The following FAM13A variants were observed in gnomAD, a reference collection of about 807,000 sequenced individuals.
FAM13A encodes protein FAM13A.
A neutral mutation model predicts 129.6 loss-of-function variants in FAM13A; 76 were observed. That is an observed-to-expected ratio of 0.59 (90% CI 0.49 to 0.71). FAM13A has a LOEUF of 0.71. Ranked by LOEUF, FAM13A falls within the 30% of genes least tolerant of loss-of-function variation. FAM13A has a pLI of 0.00. For synonymous variants in FAM13A, 443 were observed against 449.9 expected (o/e 0.98, Z 0.20); for missense variants, 1,108 against 1,249.3 (o/e 0.89, Z 1.70).
intron 13 of FAM13A, among the ~76,000 whole-genome samples, chr4:88,760,889 C>T (rs1225813337): frequency 1.2e-4 from 18 of 152,006 alleles, no homozygotes; most frequent in Non-Finnish European, 1.9e-4. Context: ...TAAGAATATG[C>T]ATACAGCAAA....
At chr4:88,811,226 G>T (rs1430049727) in intron 7 of FAM13A, among the ~76,000 whole-genome samples, 1 of 152,172 alleles carries the variant, frequency 6.6e-6, no homozygotes, top group Admixed American at 6.6e-5. Context: ...TGACGTAGTT[G>T]TGGAAGGCCA....
intron 6 of FAM13A, among the ~76,000 whole-genome samples, chr4:88,890,654 ACAAT>A (rs1219316525): frequency 6.6e-6 from 1 of 152,194 alleles, no homozygotes; most frequent in East Asian, 1.9e-4. Context: ...AAAGGAAATA[ACAAT>A]CAGAGATCAA....
intron 13 of FAM13A, among the ~76,000 whole-genome samples, chr4:88,762,279 G>C (rs1232944137): frequency 1.3e-5 from 2 of 152,114 alleles, no homozygotes; most frequent in South Asian, 4.2e-4. Context: ...TGAGGCATTC[G>C]GTCATTCACA....
intron 6 of FAM13A, among the ~76,000 whole-genome samples, chr4:88,880,171 T>C (rs1301983539): frequency 3.3e-5 from 5 of 152,076 alleles, no homozygotes; most frequent in Non-Finnish European, 7.4e-5. Context: ...CACAGGGACA[T>C]AGCAGGAAAG....
In FAM13A at chr4:88,920,838, A is replaced by G. The variant is rs566406407; in HGVS notation, c.760-14376T>C. ...GACGAATGTATAACTAGAATAATCA[A>G]TAGAGAGAAGTGCTTAAAGGAGCTG... On this transcript the variant is annotated intron_variant, in intron 5 of 23. Coordinates refer to ENST00000264344, the MANE Select transcript of FAM13A (RefSeq NM_014883.4). 3.3e-5 allele frequency among the ~76,000 whole-genome samples: 5 copies of G among 152,330 alleles called. No homozygotes were observed. In the South Asian group the frequency reaches 1.0e-3, roughly 32 times the overall value.
At chr4:88,988,282 G>A (rs958032630) in intron 4 of FAM13A, among the ~76,000 whole-genome samples, 1 of 152,152 alleles carries the variant, frequency 6.6e-6, no homozygotes, top group African/African-American at 2.4e-5. Context: ...ACATACTAAA[G>A]AGGCCTAACA....
chr4:88,984,688 T>C (rs1433600038), intron 4 of FAM13A, among the ~76,000 whole-genome samples: 1 of 152,194 alleles, frequency 6.6e-6, no homozygotes, highest in Non-Finnish European at 1.5e-5. Context: ...CATGGCCATG[T>C]GTCTTTCTCT....
intron 6 of FAM13A, among the ~76,000 whole-genome samples, chr4:88,870,069 C>T (rs1741088766): frequency 6.6e-6 from 1 of 151,374 alleles, no homozygotes; most frequent in South Asian, 2.1e-4. Flanking sequence ...ATCTAAAGCA[C>T]ATTATTTCTC....
chr4:88,814,541 CTA>C (rs1336580176), intron 7 of FAM13A, among the ~76,000 whole-genome samples: 1 of 152,068 alleles, frequency 6.6e-6, no homozygotes, highest in Non-Finnish European at 1.5e-5. Context: ...TTTTGGGTTT[CTA>C]TCAAATCAAG....
intron 4 of FAM13A, among the ~76,000 whole-genome samples, chr4:88,980,388 T>C (rs1761499358): frequency 6.6e-6 from 1 of 152,178 alleles, no homozygotes. Context: ...AACAAATGTA[T>C]AAACATTTTG....
intron 6 of FAM13A, among the ~76,000 whole-genome samples, chr4:88,853,908 C>A (rs1345603519): frequency 6.6e-6 from 1 of 152,230 alleles, no homozygotes; most frequent in African/African-American, 2.4e-5. Flanking sequence ...CCTTGAACAT[C>A]AGACTCCAAG....
At chr4:89,002,821 T>G (rs1317007443) in intron 3 of FAM13A, among the ~76,000 whole-genome samples, 1 of 152,090 alleles carries the variant, frequency 6.6e-6, no homozygotes, top group Admixed American at 6.6e-5. Context: ...CTCAGAAAAG[T>G]AAGACGAGAA....
At chr4:88,820,309 G>A (rs548157772) in intron 7 of FAM13A, among the ~76,000 whole-genome samples, 2 of 152,228 alleles carry the variant, frequency 1.3e-5, no homozygotes, top group South Asian at 4.1e-4. Context: ...ATCATACTGT[G>A]TATTACTGAA....
At position 89,010,967 on chromosome 4, in the gene FAM13A, C is replaced by G. The variant is rs190464598; in HGVS notation, c.427+9493G>C. Among the ~76,000 whole-genome samples the G allele has an allele frequency of 2.0e-5, 3 of 152,264 alleles. No individual in the cohort carries two copies. The South Asian group carries it at 6.2e-4, about 32-fold the overall frequency. ...GGCTCAAGCGATTTTCCTGCCTCAG[C>G]CTTCTGAGTAGCTGGGATTACAGGC... is the stretch of plus-strand genomic sequence containing the variant. On this transcript the variant is annotated intron_variant, in intron 3 of 23. Transcript: ENST00000264344.
intron 4 of FAM13A, among the ~76,000 whole-genome samples, chr4:88,950,669 T>A (rs528937053): frequency 1.3e-5 from 2 of 152,336 alleles, no homozygotes; most frequent in African/African-American, 4.8e-5. Flanking sequence ...TGAAGATAGA[T>A]GTATACTATT....
At chr4:88,795,774 A>C (rs1726041468) in intron 8 of FAM13A, among the ~76,000 whole-genome samples, 1 of 151,794 alleles carries the variant, frequency 6.6e-6, no homozygotes, top group Non-Finnish European at 1.5e-5. Flanking sequence ...TTTTTGATTC[A>C]AATAGATGTT....
chr4:89,047,798 T>C (rs1771062256), intron 1 of FAM13A, among the ~76,000 whole-genome samples: 2 of 152,200 alleles, frequency 1.3e-5, no homozygotes, highest in South Asian at 4.1e-4. Flanking sequence ...AAAGAACTTT[T>C]ATAATTCAAT....
At chr4:88,768,239 T>C (rs891600748) in intron 11 of FAM13A, 180 bp from the exon 12 acceptor site, 49 of 473,498 alleles carry the variant, frequency 1.0e-4, no homozygotes, top group African/African-American at 8.0e-4. Flanking sequence ...CCTGCTTGCA[T>C]AGAATTGTGT....
At chr4:88,992,376 C>T (rs1763027817) in intron 3 of FAM13A, among the ~76,000 whole-genome samples, 1 of 151,820 alleles carries the variant, frequency 6.6e-6, no homozygotes, top group Non-Finnish European at 1.5e-5. Flanking sequence ...AAGCGATTCT[C>T]CTGTCTCAGC....
Sources: allele counts gnomAD v4.1 joint callset (sites outside exome capture counted in the v4.1 genomes callset), GRCh38; gene constraint gnomAD v4.1.1; transcripts MANE v1.5; gene names NCBI Gene and HGNC (gene_info 2026-07-23, HGNC 2026-07-21).